Variants in MAPK4 observed in about 807,000 individuals in gnomAD.
MAPK4 encodes the protein Erk3-related.
A neutral mutation model predicts 47.7 loss-of-function variants in MAPK4; 22 were observed. The ratio of observed to expected loss-of-function variants is 0.46; its 90% confidence interval spans 0.33 to 0.66. The LOEUF (loss-of-function observed/expected upper bound fraction) is 0.66. Ranked by LOEUF, MAPK4 falls within the 30% of genes least tolerant of loss-of-function variation. MAPK4 has a pLI of 0.02. For missense variants in MAPK4, 736 were observed against 831.7 expected, an observed-to-expected ratio of 0.88 and a Z score of 1.42; for synonymous variants, 390 against 365.7, an observed-to-expected ratio of 1.07 and a Z score of -0.76.
intron 1 of MAPK4, among the ~76,000 whole-genome samples, chr18:50,581,168 C>G (rs1489009518): frequency 1.3e-5 from 2 of 152,212 alleles, no homozygotes; most frequent in African/African-American, 4.8e-5. Context: ...GCAAACCACC[C>G]CATGATTCAG....
chr18:50,563,687 G>T (rs1458371864), intron 1 of MAPK4, among the ~76,000 whole-genome samples: 1 of 152,140 alleles, frequency 6.6e-6, no homozygotes, highest in African/African-American at 2.4e-5. Context: ...GGTTCAGGCA[G>T]AAAGAGTCGG....
chr18:50,565,471 C>T (rs946612334), intron 1 of MAPK4, among the ~76,000 whole-genome samples: 1 of 152,142 alleles, frequency 6.6e-6, no homozygotes, highest in Non-Finnish European at 1.5e-5. Context: ...AACAGGAGTA[C>T]GTTGATTCAA....
In MAPK4 at chr18:50,625,670, C is replaced by G. The variant is rs192740081; in HGVS notation, c.-870-37419C>G. Among the ~76,000 whole-genome samples, 237 of 152,026 alleles carry G rather than the reference C, an allele frequency of 1.6e-3. 2 individuals carry two copies. Among genetic ancestry groups the G allele is most frequent in the East Asian group, 4.8e-3 (25 of 5,156 alleles). On this transcript the variant is annotated intron_variant, in intron 1 of 5. Coordinates refer to ENST00000400384, the MANE Select transcript of MAPK4 (RefSeq NM_002747.4). ...ATTGTAGACTCGGGGTAGCACATGC[C>G]CATACCAAAGCCAGGCTGGACCCAG...
At chr18:50,690,502 C>A (rs1909151526) in intron 2 of MAPK4, among the ~76,000 whole-genome samples, 1 of 152,178 alleles carries the variant, frequency 6.6e-6, no homozygotes, top group Admixed American at 6.5e-5. Context: ...GAGCTTTGAA[C>A]AGATTTTAAA....
At chr18:50,673,609 C>G (rs908895278) in intron 2 of MAPK4, among the ~76,000 whole-genome samples, 2 of 152,182 alleles carry the variant, frequency 1.3e-5, no homozygotes, top group Non-Finnish European at 2.9e-5. Context: ...AATCCCAGCA[C>G]TTTGGGAGGC....
At chr18:50,632,123 A>T (rs1248471726) in intron 1 of MAPK4, among the ~76,000 whole-genome samples, 1 of 152,078 alleles carries the variant, frequency 6.6e-6, no homozygotes, top group Non-Finnish European at 1.5e-5. Flanking sequence ...AGAGTGTCAA[A>T]CCTACCAAGT....
At chr18:50,675,322 T>C (rs1280036059) in intron 2 of MAPK4, among the ~76,000 whole-genome samples, 6 of 151,614 alleles carry the variant, frequency 4.0e-5, no homozygotes, top group African/African-American at 1.5e-4. Flanking sequence ...AACCATTTTT[T>C]TTTTTTTTTT....
At chr18:50,660,999 T>A (rs913378577) in intron 1 of MAPK4, among the ~76,000 whole-genome samples, 5 of 152,130 alleles carry the variant, frequency 3.3e-5, no homozygotes, top group African/African-American at 1.2e-4. Flanking sequence ...TCTTAATTAT[T>A]CGCTGATTAT....
intron 1 of MAPK4, among the ~76,000 whole-genome samples, chr18:50,576,608 A>G (rs906788881): frequency 6.6e-6 from 1 of 152,160 alleles, no homozygotes; most frequent in Non-Finnish European, 1.5e-5. Flanking sequence ...TTATATAACA[A>G]ACCTGCATAT....
intron 1 of MAPK4, among the ~76,000 whole-genome samples, chr18:50,595,220 C>T (rs997584472): frequency 3.3e-5 from 5 of 152,124 alleles, no homozygotes; most frequent in Non-Finnish European, 5.9e-5. Flanking sequence ...GAAATGCAAA[C>T]GTGTCCATAA....
chr18:50,576,458 G>C (rs912325738), intron 1 of MAPK4, among the ~76,000 whole-genome samples: 2 of 152,130 alleles, frequency 1.3e-5, no homozygotes, highest in African/African-American at 4.8e-5. Flanking sequence ...TGGACACAAA[G>C]GAACAACAGA....
intron 1 of MAPK4, among the ~76,000 whole-genome samples, chr18:50,657,003 C>G (rs929921970): frequency 6.6e-6 from 1 of 152,194 alleles, no homozygotes; most frequent in African/African-American, 2.4e-5. Context: ...AGGCGTGGCT[C>G]AGCTCCTCAG....
intron 2 of MAPK4, among the ~76,000 whole-genome samples, chr18:50,665,018 T>G (rs1029094299): frequency 5.3e-5 from 8 of 152,208 alleles, no homozygotes; most frequent in African/African-American, 1.7e-4. Flanking sequence ...GTTGATCTGA[T>G]GAGCTAATCC....
At chr18:50,680,910 G>A (rs1908550388) in intron 2 of MAPK4, among the ~76,000 whole-genome samples, 1 of 152,188 alleles carries the variant, frequency 6.6e-6, no homozygotes, top group African/African-American at 2.4e-5. Context: ...AAGTTTTTAT[G>A]TGGATATGTT....
At chr18:50,666,421 T>C (rs958077001) in intron 2 of MAPK4, among the ~76,000 whole-genome samples, 2 of 152,204 alleles carry the variant, frequency 1.3e-5, no homozygotes, top group African/African-American at 4.8e-5. Context: ...GATCCATGAA[T>C]GTAAAATTCC....
At position 50,729,323 on chromosome 18, in the gene MAPK4, G is replaced by C. The variant is rs1480106782; in HGVS notation, c.1233G>C (p.Gln411His). Residue 411 changes from glutamine (Q) to histidine (H), a missense_variant, in exon 6 of 6, where the codon CAG (glutamine) becomes CAC (histidine). Gln to His is a conservative substitution (Grantham distance 24). Coordinates refer to ENST00000400384, the MANE Select transcript of MAPK4 (RefSeq NM_002747.4). ...SHSSSERFLE[Q>H]SHSSMERAFE... The stretch of plus-strand genomic sequence containing the variant: ...GCAGCTCCGAGCGCTTCCTAGAGCA[G>C]TCGCACTCGTCCATGGAGCGCGCCT... 2.5e-6 allele frequency: 4 copies of C among 1,598,606 alleles called. No individual in the cohort carries two copies. Among genetic ancestry groups the C allele is most frequent in the Non-Finnish European group, 3.4e-6 (4 of 1,172,230 alleles).
At chr18:50,609,982 A>G (rs898731313) in intron 1 of MAPK4, among the ~76,000 whole-genome samples, 15 of 152,134 alleles carry the variant, frequency 9.9e-5, no homozygotes, top group African/African-American at 3.6e-4. Context: ...ACAACCATAT[A>G]ACATGGGTAC....
At chr18:50,688,902 A>AG (rs1909045039) in intron 2 of MAPK4, among the ~76,000 whole-genome samples, 1 of 151,002 alleles carries the variant, frequency 6.6e-6, no homozygotes, top group African/African-American at 2.4e-5. Context: ...AAAAAAAAAA[A>AG]AAAAAAAAGA....
intron 1 of MAPK4, among the ~76,000 whole-genome samples, chr18:50,588,590 T>G (rs1407957605): frequency 6.6e-6 from 1 of 152,076 alleles, no homozygotes; most frequent in Non-Finnish European, 1.5e-5. Context: ...AGGGTCCCAC[T>G]CCGGTTGTCC....
Sources: allele counts gnomAD v4.1 joint callset (sites outside exome capture counted in the v4.1 genomes callset), GRCh38; gene constraint gnomAD v4.1.1; transcripts MANE v1.5; gene names NCBI Gene and HGNC (gene_info 2026-07-23, HGNC 2026-07-21).